GMEB1: variants seen among roughly 807,000 people sequenced by gnomAD.
GMEB1 encodes glucocorticoid modulatory element-binding protein 1.
Under a neutral mutation model 52.4 loss-of-function variants are expected in GMEB1, and 6 were observed. That is an observed-to-expected ratio of 0.11 (90% CI 0.06 to 0.23). GMEB1 has a LOEUF of 0.23. Among genes scored for constraint, GMEB1 ranks in the 10% least tolerant of loss-of-function variants. GMEB1 has a pLI of 1.00. For missense variants in GMEB1, 486 were observed against 685.6 expected, an observed-to-expected ratio of 0.71 and a Z score of 3.25; for synonymous variants, 255 against 244.9, an observed-to-expected ratio of 1.04 and a Z score of -0.38.
At chr1:28,711,806 TTCTGTAA>T (rs1671072739) in intron 9 of GMEB1, among the ~76,000 whole-genome samples, 1 of 152,200 alleles carries the variant, frequency 6.6e-6, no homozygotes, top group Non-Finnish European at 1.5e-5. Flanking sequence ...CACAGAACAC[TTCTGTAA>T]TCAGATGTGT....
chr1:28,705,564 C>T (rs1020084733), intron 8 of GMEB1, among the ~76,000 whole-genome samples: 2 of 150,854 alleles, frequency 1.3e-5, no homozygotes, highest in Non-Finnish European at 2.9e-5. Context: ...ATTCTCCTGC[C>T]TTAGACTCCT....
chr1:28,697,938 G>T (rs984722953), intron 6 of GMEB1, among the ~76,000 whole-genome samples: 1 of 152,036 alleles, frequency 6.6e-6, no homozygotes, highest in Non-Finnish European at 1.5e-5. Context: ...AGGAGATTGA[G>T]ACCATCCTGG....
chr1:28,718,773 G>A lies in GMEB1; in HGVS notation c.*4000G>A, dbSNP rs1008200794. Reference sequence around the variant, plus strand: ...TACTGAAACAGATCCTACTGCGTAAGTGCTGTGTGTGATAGGGCTATTGGC... The same window carrying A: ...TACTGAAACAGATCCTACTGCGTAAATGCTGTGTGTGATAGGGCTATTGGC... On this transcript the variant is annotated 3_prime_UTR_variant, in exon 10 of 10. Transcript: ENST00000373816. 1 of 152,146 alleles carries A rather than the reference G, an allele frequency of 6.6e-6. No individual in the cohort carries two copies. The highest frequency in any genetic ancestry group is 1.5e-5 in the Non-Finnish European group (1 of 68,038). The allele number at this position is 152,146 out of a possible 1,614,324, so 9.4% of individuals were successfully genotyped here. A position where few individuals can be genotyped will look rare whatever the true frequency, so the allele number is the denominator to read the frequency against.
At chr1:28,704,421 A>G (rs560670576) in intron 8 of GMEB1, 92 bp downstream of exon 8, 24 of 933,880 alleles carry the variant, frequency 2.6e-5, no homozygotes, top group Middle Eastern at 3.4e-4. Context: ...CCTGATGTAT[A>G]GGTATTATTA....
chr1:28,704,454 A>G, intron 8 of GMEB1, 125 bp downstream of exon 8: 1 of 673,430 alleles, frequency 1.5e-6, no homozygotes, highest in Non-Finnish European at 2.3e-6. Context: ...AGATAAGGAA[A>G]CTAAGGCTCA....
intron 2 of GMEB1, among the ~76,000 whole-genome samples, chr1:28,684,559 T>A: frequency 8.8e-6 from 1 of 113,630 alleles, no homozygotes; most frequent in Non-Finnish European, 1.8e-5. Flanking sequence ...CGAGACTCCA[T>A]CTCAAAAAAA....
chr1:28,713,216 T>C (rs972556844), intron 9 of GMEB1, among the ~76,000 whole-genome samples: 3 of 151,868 alleles, frequency 2.0e-5, no homozygotes, highest in Non-Finnish European at 2.9e-5. Context: ...TTAGGAGCTG[T>C]GTGCCAGGAT....
chr1:28,689,327 A>C (rs1669845592), intron 2 of GMEB1, among the ~76,000 whole-genome samples: 1 of 151,850 alleles, frequency 6.6e-6, no homozygotes, highest in Admixed American at 6.6e-5. Context: ...TGCCCGGCCC[A>C]TTTAAAGTTA....
rs1002848805 is a variant in GMEB1, at chr1:28,683,473, CCTAG to C, written c.-30-105_-30-102del. ...CTCCCAACCTCAGGCGATCCGCCTG[CCTAG>C]CTAGGCCTCCCAAAGTGCTGGGATT... is the stretch of plus-strand genomic sequence containing the variant. On this transcript the variant is annotated intron_variant, in intron 1 of 9. Transcript: ENST00000373816. 1.5e-4 allele frequency: 122 copies of C among 836,248 alleles called. No homozygotes were observed. The African/African-American group carries it at 2.0e-3, about 13-fold the overall frequency. The allele number at this position is 836,248 out of a possible 1,614,324, so 51.8% of individuals were successfully genotyped here. A position where few individuals can be genotyped will look rare whatever the true frequency, so the allele number is the denominator to read the frequency against.
At position 28,709,133 on chromosome 1, in the gene GMEB1, CA is replaced by C. The variant is rs33947165; in HGVS notation, c.869-1371del. ...TGGGCGACAGAGCAAGACTCCATCT[CA>C]AAAAAAAAAAAAAAATACAAAAATT... On this transcript the variant is annotated intron_variant, in intron 8 of 9. Coordinates refer to ENST00000373816, the MANE Select transcript of GMEB1 (RefSeq NM_001319674.2). Among the ~76,000 whole-genome samples the C allele has an allele frequency of 8.1e-3, 973 of 120,570 alleles. 6 individuals carry two copies. The highest frequency in any genetic ancestry group is 0.025 in the African/African-American group (774 of 31,560). The allele number at this position is 120,570 out of a possible 152,430, so 79.1% of individuals were successfully genotyped here. A position where few individuals can be genotyped will look rare whatever the true frequency, so the allele number is the denominator to read the frequency against.
At chr1:28,705,210 G>A (rs1279898557) in intron 8 of GMEB1, among the ~76,000 whole-genome samples, 1 of 150,620 alleles carries the variant, frequency 6.6e-6, no homozygotes, top group Non-Finnish European at 1.5e-5. Context: ...CCAACATGGT[G>A]AAAACCTGTC....
intron 8 of GMEB1, among the ~76,000 whole-genome samples, chr1:28,709,058 C>T (rs933635022): frequency 2.9e-4 from 44 of 150,274 alleles, no homozygotes; most frequent in Admixed American, 2.7e-4. Flanking sequence ...GGTGTGAACC[C>T]GGGAGGTGGA....
chr1:28,709,069 G>A (rs2124581788), intron 8 of GMEB1, among the ~76,000 whole-genome samples: 1 of 151,350 alleles, frequency 6.6e-6, no homozygotes, highest in East Asian at 2.0e-4. Context: ...GGGAGGTGGA[G>A]CTTGCAGTAA....
At chr1:28,685,836 G>A (rs1420022684) in intron 2 of GMEB1, among the ~76,000 whole-genome samples, 1 of 152,124 alleles carries the variant, frequency 6.6e-6, no homozygotes, top group Non-Finnish European at 1.5e-5. Flanking sequence ...GCGCATGTCT[G>A]TAATCCCAGC....
intron 1 of GMEB1, among the ~76,000 whole-genome samples, chr1:28,679,610 A>G (rs1297130418): frequency 6.6e-6 from 1 of 152,108 alleles, no homozygotes; most frequent in Non-Finnish European, 1.5e-5. Flanking sequence ...AAGAGCAGGT[A>G]TTGTTGCTCC....
At chr1:28,691,072 G>A (rs1013691769) in intron 3 of GMEB1, among the ~76,000 whole-genome samples, 1 of 151,856 alleles carries the variant, frequency 6.6e-6, no homozygotes, top group Admixed American at 6.6e-5. Context: ...AGGTGGATCA[G>A]TTGAGGTCAG....
chr1:28,699,240 C>G (rs1363812196), intron 6 of GMEB1, among the ~76,000 whole-genome samples: 1 of 152,056 alleles, frequency 6.6e-6, no homozygotes, highest in African/African-American at 2.4e-5. Context: ...TACTAGGGCT[C>G]CTTACCATCC....
At chr1:28,701,017 A>G (rs1378273740) in intron 6 of GMEB1, among the ~76,000 whole-genome samples, 1 of 152,044 alleles carries the variant, frequency 6.6e-6, no homozygotes, top group Non-Finnish European at 1.5e-5. Flanking sequence ...CTTTTTGTAT[A>G]TATGGGTTCC....
At chr1:28,696,820 A>G (rs1670229483) in intron 5 of GMEB1, 107 bp from the exon 6 acceptor site, 1 of 823,208 alleles carries the variant, frequency 1.2e-6, no homozygotes, top group Non-Finnish European at 1.9e-6. Context: ...AGGTTTCACT[A>G]ATCTACACAG....
Sources: allele counts gnomAD v4.1 joint callset (sites outside exome capture counted in the v4.1 genomes callset), GRCh38; gene constraint gnomAD v4.1.1; transcripts MANE v1.5; gene names NCBI Gene and HGNC (gene_info 2026-07-23, HGNC 2026-07-21).